The following CRISPLD2 variants were observed in gnomAD, a reference collection of about 807,000 sequenced individuals.
The protein encoded by CRISPLD2 is cysteine rich secretory protein LCCL domain containing 2.
A neutral mutation model predicts 71.1 loss-of-function variants in CRISPLD2; 47 were observed. That is an observed-to-expected ratio of 0.66 (90% CI 0.52 to 0.84). The LOEUF is 0.84. Ranked by LOEUF, CRISPLD2 falls within the 40% of genes least tolerant of loss-of-function variation. The pLI, the probability that CRISPLD2 is intolerant of heterozygous loss-of-function variation, is 0.00. For missense variants in CRISPLD2, 830 were observed against 651.1 expected (o/e 1.27, Z -2.99); for synonymous variants, 317 against 250.1 (o/e 1.27, Z -2.52).
Position 84,906,830 on chromosome 16 carries a change from A to G in CRISPLD2, c.*188A>G. 1.4e-6 allele frequency: 1 copy of G among 721,240 alleles called. No individual in the cohort carries two copies. The allele number at this position is 721,240 out of a possible 1,614,324, so 44.7% of individuals were successfully genotyped here. A position where few individuals can be genotyped will look rare whatever the true frequency, so the allele number is the denominator to read the frequency against. ...CCCTCACTGAAGCAACAGCATCCCA[A>G]GGTGCTCAGCCGGACTCCCTGGTGC... On this transcript the variant is annotated 3_prime_UTR_variant, in exon 15 of 15. Coordinates refer to ENST00000262424, the MANE Select transcript of CRISPLD2 (RefSeq NM_031476.4).
At chr16:84,861,655 C>G (rs1917385184) in intron 6 of CRISPLD2, among the ~76,000 whole-genome samples, 1 of 152,166 alleles carries the variant, frequency 6.6e-6, no homozygotes, top group Non-Finnish European at 1.5e-5. Context: ...CACCCAGGAT[C>G]AATACTTTGC....
chr16:84,845,048 G>T (rs1916874998), intron 2 of CRISPLD2, among the ~76,000 whole-genome samples: 1 of 152,152 alleles, frequency 6.6e-6, no homozygotes, highest in African/African-American at 2.4e-5. Flanking sequence ...CCTGGCCTAG[G>T]AATAGCATCT....
At chr16:84,881,624 C>G (rs1368302813) in intron 13 of CRISPLD2, among the ~76,000 whole-genome samples, 4 of 132,330 alleles carry the variant, frequency 3.0e-5, no homozygotes, top group Non-Finnish European at 6.3e-5. Context: ...TCATTCATCT[C>G]TAGCTAATGT....
intron 1 of CRISPLD2, among the ~76,000 whole-genome samples, chr16:84,831,059 G>T (rs1158640603): frequency 2.6e-5 from 4 of 152,162 alleles, no homozygotes; most frequent in Non-Finnish European, 5.9e-5. Flanking sequence ...GAGAAGCTCG[G>T]GGTCCAGGGA....
At chr16:84,887,343 G>A (rs1188553209) in intron 13 of CRISPLD2, among the ~76,000 whole-genome samples, 2 of 152,186 alleles carry the variant, frequency 1.3e-5, no homozygotes, top group African/African-American at 4.8e-5. Context: ...CCCCACCCTT[G>A]AACCACAAAG....
chr16:84,898,142 G>A (rs978869929), intron 14 of CRISPLD2, among the ~76,000 whole-genome samples: 3 of 151,992 alleles, frequency 2.0e-5, no homozygotes, highest in Admixed American at 6.6e-5. Context: ...ACATTTTTGC[G>A]CAAGCCTGTG....
intron 2 of CRISPLD2, among the ~76,000 whole-genome samples, chr16:84,843,950 G>A (rs1916843682): frequency 6.6e-6 from 1 of 152,228 alleles, no homozygotes; most frequent in Admixed American, 6.5e-5. Flanking sequence ...GTGTTGGGCA[G>A]GTACTCCCTG....
intron 3 of CRISPLD2, among the ~76,000 whole-genome samples, chr16:84,848,760 C>T (rs535861180): frequency 1.3e-5 from 2 of 152,312 alleles, no homozygotes; most frequent in East Asian, 3.9e-4. Flanking sequence ...CTCACGTCTT[C>T]ATCAGGTTTT....
Position 84,906,765 on chromosome 16 carries a change from TC to T in CRISPLD2, c.*125del. ...AACTTCCTTTGACTGATGTTCAGTG[TC>T]CATCACTTTGTGGCCTGTGGGTGAG... is the stretch of plus-strand genomic sequence containing the variant. On this transcript the variant is annotated 3_prime_UTR_variant, in exon 15 of 15. Coordinates refer to ENST00000262424, the MANE Select transcript of CRISPLD2 (RefSeq NM_031476.4). The T allele has an allele frequency of 9.0e-7, 1 of 1,115,894 alleles. No homozygotes were observed. Among genetic ancestry groups the T allele is most frequent in the Non-Finnish European group, 1.4e-6 (1 of 737,128 alleles). 69.1% of individuals were successfully genotyped at this position (1,115,894 alleles called of 1,614,324 possible).
intron 13 of CRISPLD2, among the ~76,000 whole-genome samples, chr16:84,883,507 C>T (rs2143325982): frequency 6.6e-6 from 1 of 152,332 alleles, no homozygotes; most frequent in South Asian, 2.1e-4. Context: ...CTCCCCATCC[C>T]ACTTGGTGCT....
chr16:84,880,187 A>G (rs1486297097), intron 12 of CRISPLD2, among the ~76,000 whole-genome samples: 1 of 152,144 alleles, frequency 6.6e-6, no homozygotes, highest in Non-Finnish European at 1.5e-5. Flanking sequence ...AACATCCAAG[A>G]ATGGGAGGGG....
chr16:84,849,561 C>T, intron 4 of CRISPLD2, 44 bp downstream of exon 4: 2 of 1,596,712 alleles, frequency 1.3e-6, no homozygotes, highest in Non-Finnish European at 1.7e-6. Flanking sequence ...CCCCCCAATC[C>T]CAGTCATTCA....
At chr16:84,866,385 G>A (rs968446898) in intron 6 of CRISPLD2, among the ~76,000 whole-genome samples, 2 of 152,044 alleles carry the variant, frequency 1.3e-5, no homozygotes, top group African/African-American at 4.8e-5. Context: ...ACAGGCGTCC[G>A]CCACCATGCC....
intron 12 of CRISPLD2, among the ~76,000 whole-genome samples, chr16:84,877,827 G>A (rs1434998404): frequency 6.6e-6 from 1 of 152,064 alleles, no homozygotes; most frequent in African/African-American, 2.4e-5. Context: ...TCCAGCCTGG[G>A]TGACGAGTGA....
chr16:84,842,769 G>C (rs965866050), intron 2 of CRISPLD2, among the ~76,000 whole-genome samples: 3 of 152,154 alleles, frequency 2.0e-5, no homozygotes, highest in Non-Finnish European at 2.9e-5. Context: ...GAAAGGAAAG[G>C]GGCCATGGGA....
chr16:84,851,943 A>G (rs1917101098), intron 5 of CRISPLD2, among the ~76,000 whole-genome samples: 1 of 152,234 alleles, frequency 6.6e-6, no homozygotes, highest in South Asian at 2.1e-4. Context: ...CTGCAACAAC[A>G]GAGGCCACAG....
chr16:84,867,655 C>T (rs191546933), intron 7 of CRISPLD2, among the ~76,000 whole-genome samples: 61 of 152,292 alleles, frequency 4.0e-4, no homozygotes, highest in Non-Finnish European at 6.8e-4. Context: ...CAACCTTTGC[C>T]TTCCGGGTTC....
intron 13 of CRISPLD2, among the ~76,000 whole-genome samples, chr16:84,888,909 T>A (rs772824921): frequency 4.6e-5 from 7 of 152,256 alleles, no homozygotes; most frequent in Non-Finnish European, 8.8e-5. Flanking sequence ...CTCATTTGTG[T>A]ATTTATTTAT....
At chr16:84,897,132 CT>C (rs988321267) in intron 14 of CRISPLD2, among the ~76,000 whole-genome samples, 1 of 152,202 alleles carries the variant, frequency 6.6e-6, no homozygotes, top group Non-Finnish European at 1.5e-5. Context: ...GTTCCTGCCC[CT>C]TTACTCTGGC....
Sources: allele counts gnomAD v4.1 joint callset (sites outside exome capture counted in the v4.1 genomes callset), GRCh38; gene constraint gnomAD v4.1.1; transcripts MANE v1.5; gene names NCBI Gene and HGNC (gene_info 2026-07-23, HGNC 2026-07-21).